Variants in CCDC39 observed in about 807,000 individuals in gnomAD.
CCDC39 encodes coiled-coil domain-containing protein 39.
A neutral mutation model predicts 121.0 loss-of-function variants in CCDC39; 113 were observed. That is an observed-to-expected ratio of 0.93 (90% CI 0.80 to 1.09). The LOEUF (loss-of-function observed/expected upper bound fraction) is 1.09, where lower values mean the gene tolerates loss of function less well. Ranked by LOEUF, CCDC39 falls within the 50% of genes least tolerant of loss-of-function variation. The pLI, the probability that CCDC39 is intolerant of heterozygous loss-of-function variation, is 0.00. For missense variants in CCDC39, 1,063 were observed against 1,074.7 expected, an observed-to-expected ratio of 0.99 and a Z score of 0.15; for synonymous variants, 349 against 352.2, an observed-to-expected ratio of 0.99 and a Z score of 0.10.
In CCDC39 at chr3:180,659,556, C is replaced by T. The variant is rs766773971; in HGVS notation, c.634G>A (p.Asp212Asn). ...AQLELDKAAQ[D>N]FRKIHNERQE... ...CTTTCATTATGAATCTTACGAAAATCTTGTGCTGCTTTATCCAATTCTAAC... is the reference window on the plus strand; with the variant it reads ...CTTTCATTATGAATCTTACGAAAATTTTGTGCTGCTTTATCCAATTCTAAC... The change falls in exon 6 of 20, where the codon GAT becomes AAT. Residue 212 changes from aspartate to asparagine, a missense_variant. Asp to Asn is a conservative substitution (Grantham distance 23, BLOSUM62 1). Coordinates refer to ENST00000476379, the MANE Select transcript of CCDC39 (RefSeq NM_181426.2). 1 of 1,613,036 alleles carries T rather than the reference C, an allele frequency of 6.2e-7. No individual in the cohort carries two copies. Among genetic ancestry groups the T allele is most frequent in the Non-Finnish European group, 8.5e-7 (1 of 1,179,544 alleles).
rs189992033 is a variant in CCDC39, at chr3:180,653,806, T to A, written c.930+956A>T. 5.9e-5 allele frequency among the ~76,000 whole-genome samples: 9 copies of A among 152,276 alleles called. No homozygotes were observed. In the East Asian group the frequency reaches 1.7e-3, roughly 29 times the overall value. ...AATCTACGGATGTGTAGGTCCCTTA[T>A]ATAAAATGACATGTATTTGCATATA... On this transcript the variant is annotated intron_variant, in intron 7 of 19. Transcript: ENST00000476379.
At position 180,663,953 on chromosome 3, in the gene CCDC39, G is replaced by C; in HGVS notation, c.124C>G (p.Gln42Glu). 6.2e-7 allele frequency: 1 copy of C among 1,611,652 alleles called. No homozygotes were observed. The change falls in exon 2 of 20, where the codon CAA becomes GAA. Residue 42 changes from glutamine (Q) to glutamate (E), a missense_variant. By Grantham distance (29) the Gln-to-Glu change is conservative (BLOSUM62 2). Transcript: ENST00000476379. The part of the protein sequence containing the change: ...SKLKDERASL[Q>E]DELREYEERI... ...TCTTCATACTCACGTAACTCATCTT[G>C]CAAGCTTGCTCTTTCATCCTTCAGC...
At chr3:180,651,104 A>G (rs1342240827) in intron 9 of CCDC39, among the ~76,000 whole-genome samples, 1 of 152,078 alleles carries the variant, frequency 6.6e-6, no homozygotes, top group Non-Finnish European at 1.5e-5. Flanking sequence ...CTGAGGCAGG[A>G]GAATCGCTTG....
intron 13 of CCDC39, among the ~76,000 whole-genome samples, chr3:180,634,961 T>C (rs1260950324): frequency 6.6e-6 from 1 of 152,140 alleles, no homozygotes. Context: ...ACCATTTAAT[T>C]AGTCCATTTT....
chr3:180,643,293 T>C (rs879752329), intron 12 of CCDC39, among the ~76,000 whole-genome samples: 2 of 152,056 alleles, frequency 1.3e-5, no homozygotes, highest in Non-Finnish European at 2.9e-5. Flanking sequence ...GAAAATCTTT[T>C]ATAATTTATA....
intron 1 of CCDC39, among the ~76,000 whole-genome samples, chr3:180,670,571 T>G (rs1279439599): frequency 6.6e-6 from 1 of 152,012 alleles, no homozygotes; most frequent in African/African-American, 2.4e-5. Flanking sequence ...ATTTTATTCA[T>G]TTACTCTAAT....
chr3:180,674,290 G>C (rs549454086), intron 1 of CCDC39, among the ~76,000 whole-genome samples: 9 of 152,154 alleles, frequency 5.9e-5, no homozygotes, highest in Non-Finnish European at 2.9e-5. Context: ...GTCTGTTATT[G>C]GTGTATAAGA....
chr3:180,619,364 A>G lies in CCDC39; in HGVS notation c.2160T>C (p.Ser720=), dbSNP rs1158399779. The part of the protein sequence containing the change: ...KQSFKKVTPS[S]DEYELKIQLE... ...GTTGAATTTTTAGCTCATACTCATC[A>G]CCTGAAATGTAGAACATTTTTAGTT... Residue 720 remains serine (S), a splice_region_variant and synonymous_variant, in exon 16 of 20, where the codon AGT becomes AGC. Transcript: ENST00000476379. 2 of 1,420,170 alleles carry G rather than the reference A, an allele frequency of 1.4e-6. No individual in the cohort carries two copies. Among genetic ancestry groups the G allele is most frequent in the Non-Finnish European group, 1.9e-6 (2 of 1,032,548 alleles). 88.0% of individuals were successfully genotyped at this position (1,420,170 alleles called of 1,614,324 possible).
intron 14 of CCDC39, among the ~76,000 whole-genome samples, chr3:180,624,133 A>T (rs972785274): frequency 3.9e-5 from 6 of 152,088 alleles, no homozygotes; most frequent in Non-Finnish European, 7.4e-5. Flanking sequence ...TAGGATTGTT[A>T]TATCCTCTTG....
intron 16 of CCDC39, among the ~76,000 whole-genome samples, chr3:180,618,546 A>G (rs574907622): frequency 3.3e-5 from 5 of 152,142 alleles, no homozygotes; most frequent in African/African-American, 1.2e-4. Flanking sequence ...TCCTAATGCT[A>G]TCCCTTCCCC....
In CCDC39 at chr3:180,679,460, A is replaced by G. The variant is rs886058200; in HGVS notation, c.-80T>C. The G allele has an allele frequency of 1.9e-4, 254 of 1,317,566 alleles. 3 individuals are homozygous for G. In the East Asian group the frequency reaches 5.8e-3, roughly 30 times the overall value. The allele number at this position is 1,317,566 out of a possible 1,614,324, so 81.6% of individuals were successfully genotyped here. ...GGTGAGCAGCACCCGCGTCAAGCCC[A>G]GGCACCTGCACAGTGCCGCGGCAAT... On this transcript the variant is annotated 5_prime_UTR_variant, in exon 1 of 20. Coordinates refer to ENST00000476379, the MANE Select transcript of CCDC39 (RefSeq NM_181426.2). This position sits in a 1 kb window ranked among gnomAD's most constrained non-coding sequence, Gnocchi z 4.0.
At chr3:180,651,819 C>T (rs1007265579) in intron 8 of CCDC39, among the ~76,000 whole-genome samples, 3 of 152,062 alleles carry the variant, frequency 2.0e-5, no homozygotes, top group South Asian at 4.1e-4. Flanking sequence ...GGGCAGATCA[C>T]GAGGTCAGGA....
chr3:180,615,078 C>G lies in CCDC39; in HGVS notation c.2670-1G>C, dbSNP rs1406796195. On this transcript the variant is annotated splice_acceptor_variant, in intron 19 of 19. Transcript: ENST00000476379. LOFTEE classifies it high-confidence loss of function. ...AGATGTACTTGTACTCCTAGATGAC[C>G]TAGAAGAAAAACCAGAATTATAAAT... is the stretch of plus-strand genomic sequence containing the variant. 2 of 1,519,216 alleles carry G rather than the reference C, an allele frequency of 1.3e-6. No individual in the cohort carries two copies. The highest frequency in any genetic ancestry group is 1.3e-5 in the South Asian group (1 of 75,598). 94.1% of individuals were successfully genotyped at this position (1,519,216 alleles called of 1,614,324 possible).
chr3:180,671,947 T>A (rs1712060019), intron 1 of CCDC39, among the ~76,000 whole-genome samples: 1 of 152,182 alleles, frequency 6.6e-6, no homozygotes, highest in Non-Finnish European at 1.5e-5. Context: ...AGATCATTGA[T>A]AAAGGTGGCT....
chr3:180,646,058 T>C (rs1718060445), intron 11 of CCDC39, among the ~76,000 whole-genome samples: 1 of 152,120 alleles, frequency 6.6e-6, no homozygotes, highest in Non-Finnish European at 1.5e-5. Flanking sequence ...CTTCTAGTTC[T>C]CCCAAATGTC....
At position 180,663,929 on chromosome 3, in the gene CCDC39, C is replaced by G; in HGVS notation, c.148G>C (p.Glu50Gln). Residue 50 changes from glutamate to glutamine, a missense_variant, in exon 2 of 20, where the codon GAG (glutamate) becomes CAG (glutamine). By Grantham distance (29) the Glu-to-Gln change is conservative (BLOSUM62 2). Coordinates refer to ENST00000476379, the MANE Select transcript of CCDC39 (RefSeq NM_181426.2). ...TGAGAAGTCATAGAATTAATTCGCTCTTCATACTCACGTAACTCATCTTGC... is the reference window on the plus strand; with the variant it reads ...TGAGAAGTCATAGAATTAATTCGCTGTTCATACTCACGTAACTCATCTTGC... ...SLQDELREYE[E>Q]RINSMTSHFK... 6.2e-7 allele frequency: 1 copy of G among 1,612,078 alleles called. No homozygotes were observed. The highest frequency in any genetic ancestry group is 8.5e-7 in the Non-Finnish European group (1 of 1,178,866).
At chr3:180,662,641 C>T (rs1266888861) in intron 2 of CCDC39, among the ~76,000 whole-genome samples, 2 of 152,118 alleles carry the variant, frequency 1.3e-5, no homozygotes, top group African/African-American at 4.8e-5. Context: ...TAATAAGATA[C>T]AACTACAGAG....
At chr3:180,617,489 T>A (rs1159763480) in intron 16 of CCDC39, 1 of 683,156 alleles carries the variant, frequency 1.5e-6, no homozygotes, top group Non-Finnish European at 2.7e-6. Context: ...CCATTCATGT[T>A]ACTGACCCTG....
At position 180,654,937 on chromosome 3, in the gene CCDC39, T is replaced by A; in HGVS notation, c.755A>T (p.Lys252Met). ...ATTTTCTTTTTCTCTCGTTTCCTGC[T>A]TTATCCTTGCTAATTCCTAGGATTA... ...DNCALELARI[K>M]QETREKENLV... is the part of the protein sequence containing the mutation. Residue 252 changes from lysine (K) to methionine (M), a missense_variant, in exon 7 of 20, where the codon AAG (lysine) becomes ATG (methionine). Transcript: ENST00000476379. 2 of 1,566,452 alleles carry A rather than the reference T, an allele frequency of 1.3e-6. No individual in the cohort carries two copies. The highest frequency in any genetic ancestry group is 1.7e-6 in the Non-Finnish European group (2 of 1,160,672).
Sources: gnomAD v4.1 joint callset for allele counts (sites outside exome capture counted in the v4.1 genomes callset) on GRCh38, gnomAD v4.1.1 for gene constraint, Gnocchi (gnomAD v3.1) non-coding constraint, MANE v1.5 for transcripts, NCBI Gene and HGNC (gene_info 2026-07-23, HGNC 2026-07-21) for gene names.